The following TMEM165 variants were observed in gnomAD, a reference collection of about 807,000 sequenced individuals.
The protein encoded by TMEM165 is transmembrane protein 165.
A neutral mutation model predicts 30.0 loss-of-function variants in TMEM165; 19 were observed. The observed-to-expected ratio is 0.63, with a 90% confidence interval of 0.44 to 0.93. The LOEUF (loss-of-function observed/expected upper bound fraction) is 0.93, where lower values mean the gene tolerates loss of function less well. TMEM165 is among the 40% of genes least tolerant of loss of function. The probability of loss-of-function intolerance (pLI) is 0.00; values close to 1 mark genes in which losing one functional copy is unlikely to be tolerated. For synonymous variants in TMEM165, 168 were observed against 162.9 expected, an observed-to-expected ratio of 1.03 and a Z score of -0.24; for missense variants, 340 against 417.0, an observed-to-expected ratio of 0.82 and a Z score of 1.61.
intron 1 of TMEM165, among the ~76,000 whole-genome samples, chr4:55,404,808 T>G (rs1166276411): frequency 1.3e-5 from 2 of 152,228 alleles, no homozygotes; most frequent in Non-Finnish European, 2.9e-5. Context: ...CATTTGACAC[T>G]GTTAATTCTC....
chr4:55,402,650 G>A (rs1386867994), intron 1 of TMEM165, among the ~76,000 whole-genome samples: 1 of 144,864 alleles, frequency 6.9e-6, no homozygotes, highest in Non-Finnish European at 1.5e-5. Context: ...GTTTTGCCAC[G>A]TTGGCCAGGC....
At chr4:55,418,653 G>T (rs1261460626) in intron 4 of TMEM165, among the ~76,000 whole-genome samples, 2 of 152,120 alleles carry the variant, frequency 1.3e-5, no homozygotes, top group Admixed American at 1.3e-4. Flanking sequence ...CAGAAAATTG[G>T]TTCAGCTGTT....
intron 3 of TMEM165, chr4:55,448,967 C>T: frequency 2.1e-6 from 2 of 953,300 alleles, no homozygotes; most frequent in Non-Finnish European, 3.3e-6. Context: ...AATAAACTTA[C>T]CATTTGCCTC....
At chr4:55,437,866 T>C (rs1037774355) in intron 3 of TMEM165, among the ~76,000 whole-genome samples, 8 of 152,160 alleles carry the variant, frequency 5.3e-5, no homozygotes, top group African/African-American at 1.9e-4. Context: ...TATAATAAGA[T>C]TGAATTCAAC....
At position 55,407,872 on chromosome 4, in the gene TMEM165, T is replaced by C. The variant is rs185717070; in HGVS notation, c.208-3742T>C. 4.1e-4 allele frequency among the ~76,000 whole-genome samples: 63 copies of C among 152,356 alleles called. 1 individual carries two copies. The highest frequency in any genetic ancestry group is 8.8e-5 in the Non-Finnish European group (6 of 68,036). ...GTCCTAAAGGGCTTTATTCATTTAATCCTCACAGCAACCCTTTGAGACATA... is the reference window on the plus strand; with the variant it reads ...GTCCTAAAGGGCTTTATTCATTTAACCCTCACAGCAACCCTTTGAGACATA... On this transcript the variant is annotated intron_variant, in intron 1 of 5. Transcript: ENST00000381334.
chr4:55,447,007 T>C (rs983605662), intron 3 of TMEM165, among the ~76,000 whole-genome samples: 2 of 152,168 alleles, frequency 1.3e-5, no homozygotes, highest in African/African-American at 4.8e-5. Context: ...TGAGAAAATA[T>C]TAAAAATTTA....
intron 1 of TMEM165, among the ~76,000 whole-genome samples, chr4:55,403,846 T>A (rs966086037): frequency 9.9e-5 from 15 of 152,164 alleles, no homozygotes; most frequent in African/African-American, 3.1e-4. Flanking sequence ...TTTGTGTACC[T>A]CCTCTCTGTG....
chr4:55,417,358 A>G (rs1721778413), intron 3 of TMEM165, 111 bp downstream of exon 3: 1 of 1,089,754 alleles, frequency 9.2e-7, no homozygotes, highest in Non-Finnish European at 1.3e-6. Context: ...CTACACAAAA[A>G]TAGCTTCTTT....
At chr4:55,442,248 C>A in intron 3 of TMEM165, 7 of 577,222 alleles carry the variant, frequency 1.2e-5, no homozygotes, top group Non-Finnish European at 1.5e-5. Flanking sequence ...TTGTTGTTAC[C>A]CTTTAATTAT....
Position 55,411,783 on chromosome 4 carries a change from G to C in TMEM165, c.377G>C (p.Arg126Pro). The stretch of plus-strand genomic sequence containing the variant: ...GCCATCATGGCAATGCGCTATAACC[G>C]CCTGACCGTGCTGGCTGGTGCAATG... ...IAAIMAMRYN[R>P]LTVLAGAMLA... The change falls in exon 2 of 6, where the codon CGC becomes CCC. Residue 126 changes from arginine (R) to proline (P), a missense_variant. By Grantham distance (103) the Arg-to-Pro change is moderately radical (BLOSUM62 -2). This residue lies in a region of TMEM165 where 220 missense variants were observed against 307.6 expected (regional missense o/e 0.72). Transcript: ENST00000381334. The C allele has an allele frequency of 1.2e-6, 2 of 1,614,174 alleles. No homozygotes were observed. The highest frequency in any genetic ancestry group is 2.2e-5 in the South Asian group (2 of 91,082).
chr4:55,438,394 G>A (rs755501826), intron 3 of TMEM165: 2 of 1,613,778 alleles, frequency 1.2e-6, no homozygotes, highest in Non-Finnish European at 1.7e-6. Flanking sequence ...TACTGACAAT[G>A]TCTGTGACTG....
chr4:55,441,172 C>A (rs1577675827), intron 3 of TMEM165, among the ~76,000 whole-genome samples: 1 of 152,142 alleles, frequency 6.6e-6, no homozygotes, highest in East Asian at 1.9e-4. Flanking sequence ...TTCTGTCCCC[C>A]TCAAAAGATA....
chr4:55,424,363 C>G (rs1422289264), intron 4 of TMEM165, 175 bp from the exon 5 acceptor site: 1 of 571,368 alleles, frequency 1.8e-6, no homozygotes, highest in African/African-American at 1.9e-5. Context: ...ATAACTGGTA[C>G]ATATTCCTTC....
At chr4:55,435,445 C>T in intron 3 of TMEM165, 1 of 1,614,004 alleles carries the variant, frequency 6.2e-7, no homozygotes, top group Non-Finnish European at 8.5e-7. Flanking sequence ...AAGGGTCGGG[C>T]AAGCTGTCAG....
rs370783712 is a variant in TMEM165, at chr4:55,425,437, T to G, written c.960T>G (p.Pro320=). ...AFAFSALFIS[P]DSGF ...CATTTTCTGCACTATTTATAAGCCCTGATTCTGGTTTTTAACAAGCTGTTT... is the reference window on the plus strand; with the variant it reads ...CATTTTCTGCACTATTTATAAGCCCGGATTCTGGTTTTTAACAAGCTGTTT... The change falls in exon 6 of 6, where the codon CCT becomes CCG. Residue 320 remains proline, a synonymous_variant. Transcript: ENST00000381334. 25 of 1,602,054 alleles carry G rather than the reference T, an allele frequency of 1.6e-5. No individual in the cohort carries two copies. Among genetic ancestry groups the G allele is most frequent in the African/African-American group, 4.1e-5 (3 of 73,736 alleles).
At chr4:55,436,891 CCTTT>C (rs1722917291) in intron 3 of TMEM165, among the ~76,000 whole-genome samples, 1 of 89,178 alleles carries the variant, frequency 1.1e-5, no homozygotes, top group African/African-American at 4.1e-5. Flanking sequence ...CTTTGGGATG[CCTTT>C]TTTTTTTTTT....
intron 4 of TMEM165, among the ~76,000 whole-genome samples, chr4:55,421,273 A>AATT (rs1054812512): frequency 2.0e-5 from 3 of 149,582 alleles, no homozygotes; most frequent in African/African-American, 7.3e-5. Context: ...TAATCTAGTG[A>AATT]ATTTTTAAAT....
intron 3 of TMEM165, chr4:55,434,957 G>A (rs529647139): frequency 2.9e-4 from 53 of 180,886 alleles, no homozygotes; most frequent in Non-Finnish European, 5.3e-4. Flanking sequence ...GGTTGGGGGA[G>A]GGGGTCGCTA....
chr4:55,416,802 A>G (rs1334720147), intron 2 of TMEM165: 11 of 277,272 alleles, frequency 4.0e-5, no homozygotes, highest in East Asian at 2.4e-4. Context: ...AAGGAGTTCA[A>G]TATCTTACTT....
Sources: allele counts gnomAD v4.1 joint callset (sites outside exome capture counted in the v4.1 genomes callset), GRCh38; gene constraint gnomAD v4.1.1; regional missense constraint gnomAD v4.1.1; transcripts MANE v1.5; gene names NCBI Gene and HGNC (gene_info 2026-07-23, HGNC 2026-07-21).